Variants in DYM observed in about 807,000 individuals in gnomAD.
DYM encodes dymeclin, also known as dyggve-Melchior-Clausen syndrome protein.
A neutral mutation model predicts 93.1 loss-of-function variants in DYM; 78 were observed. The ratio of observed to expected loss-of-function variants is 0.84; its 90% confidence interval spans 0.70 to 1.01. DYM has a LOEUF of 1.01. Among genes scored for constraint, DYM ranks in the 50% least tolerant of loss-of-function variants. DYM has a pLI of 0.00. For missense variants in DYM, 789 were observed against 845.0 expected (o/e 0.93, Z 0.82); for synonymous variants, 321 against 319.7 (o/e 1.00, Z -0.04).
chr18:49,196,732 T>C (rs1329303115), intron 14 of DYM, among the ~76,000 whole-genome samples: 4 of 152,134 alleles, frequency 2.6e-5, no homozygotes, highest in South Asian at 4.1e-4. Flanking sequence ...CTAGAGAATG[T>C]AGCATCCTAA....
At chr18:49,075,014 T>G (rs563026156) in intron 17 of DYM, among the ~76,000 whole-genome samples, 1 of 152,032 alleles carries the variant, frequency 6.6e-6, no homozygotes, top group Non-Finnish European at 1.5e-5. Context: ...TGATAAGCAA[T>G]GGGGGAGACA....
chr18:49,125,650 G>A (rs2082743777), intron 15 of DYM, among the ~76,000 whole-genome samples: 2 of 152,116 alleles, frequency 1.3e-5, no homozygotes, highest in Non-Finnish European at 2.9e-5. Context: ...AGAAAGCTTA[G>A]AATTTGGTCA....
rs908260007 is a variant in DYM, at chr18:49,037,232, T to G, written c.*6823A>C. ...TTAAATAACCAACTTTTGACTTTGA[T>G]TCCCTTTATTGTATATTTGTGTTCT... On this transcript the variant is annotated 3_prime_UTR_variant, in exon 18 of 18. Transcript: ENST00000675505. Among the ~76,000 whole-genome samples, 1 of 152,242 alleles carries G rather than the reference T, an allele frequency of 6.6e-6. No individual in the cohort carries two copies. The highest frequency in any genetic ancestry group is 2.4e-5 in the African/African-American group (1 of 41,470).
intron 3 of DYM, 32 bp from the exon 4 acceptor site, chr18:49,379,790 A>T (rs756462204): frequency 3.3e-6 from 5 of 1,531,316 alleles, no homozygotes; most frequent in Non-Finnish European, 2.7e-6. Flanking sequence ...TAAAAAGTTA[A>T]ATTTAAGAAC....
intron 8 of DYM, among the ~76,000 whole-genome samples, chr18:49,305,164 C>T (rs1375928650): frequency 6.6e-6 from 1 of 152,138 alleles, no homozygotes; most frequent in African/African-American, 2.4e-5. Flanking sequence ...GTACTGAAAT[C>T]ACTTTCTTGC....
intron 13 of DYM, among the ~76,000 whole-genome samples, chr18:49,215,077 C>A (rs1268663777): frequency 6.6e-6 from 1 of 152,202 alleles, no homozygotes; most frequent in African/African-American, 2.4e-5. Flanking sequence ...TAAATTCTAA[C>A]AATTAGAAAA....
In DYM at chr18:49,040,877, C is replaced by T. The variant is rs1195696832; in HGVS notation, c.*3178G>A. Among the ~76,000 whole-genome samples, 1 of 152,232 alleles carries T rather than the reference C, an allele frequency of 6.6e-6. No homozygotes were observed. Among genetic ancestry groups the T allele is most frequent in the Non-Finnish European group, 1.5e-5 (1 of 68,048 alleles). ...CTTAAAGTATGATATATTAACAATT[C>T]CAGTGCTTAAAAGTTTCCCTCACTA... is the stretch of plus-strand genomic sequence containing the variant. On this transcript the variant is annotated 3_prime_UTR_variant, in exon 18 of 18. Coordinates refer to ENST00000675505, the MANE Select transcript of DYM (RefSeq NM_001353214.3).
rs2087482291 is a variant in DYM, at chr18:49,163,683, A to G, written c.1728+2T>C. 3.1e-6 allele frequency: 5 copies of G among 1,601,824 alleles called. No individual in the cohort carries two copies. The highest frequency in any genetic ancestry group is 4.3e-6 in the Non-Finnish European group (5 of 1,170,418). ...TTATTGATGAATAAGGTAACTACTT[A>G]CATAATCTGGTAGAGGAACATCATT... On this transcript the variant is annotated splice_donor_variant, in intron 15 of 17. Coordinates refer to ENST00000675505, the MANE Select transcript of DYM (RefSeq NM_001353214.3). LOFTEE classifies it high-confidence loss of function.
chr18:49,365,807 C>T (rs553371733), intron 5 of DYM, among the ~76,000 whole-genome samples: 28 of 152,274 alleles, frequency 1.8e-4, no homozygotes, highest in African/African-American at 6.3e-4. Flanking sequence ...GATTTTTTAA[C>T]TTCCAGGGGT....
intron 8 of DYM, among the ~76,000 whole-genome samples, chr18:49,317,551 T>TG (rs2062027168): frequency 3.4e-5 from 1 of 29,354 alleles, no homozygotes; most frequent in East Asian, 7.5e-4. Flanking sequence ...CCATCTAGAT[T>TG]TCTCTCTCTC....
chr18:49,099,398 T>G (rs550263590), intron 16 of DYM, among the ~76,000 whole-genome samples: 1 of 152,282 alleles, frequency 6.6e-6, no homozygotes, highest in East Asian at 1.9e-4. Context: ...GCTCTCCAGG[T>G]GATTTTGATG....
chr18:49,067,161 G>A (rs1293220739), intron 17 of DYM, among the ~76,000 whole-genome samples: 1 of 150,072 alleles, frequency 6.7e-6, no homozygotes, highest in East Asian at 2.0e-4. Context: ...GGAGTGGGGT[G>A]ATGTGAGCAC....
At chr18:49,444,063 C>T (rs951426098) in intron 1 of DYM, among the ~76,000 whole-genome samples, 2 of 152,078 alleles carry the variant, frequency 1.3e-5, no homozygotes, top group Non-Finnish European at 2.9e-5. Flanking sequence ...ATGTATGAAG[C>T]AGAAAAAGGC....
chr18:49,123,803 C>T (rs747027458), intron 15 of DYM, among the ~76,000 whole-genome samples: 73 of 152,160 alleles, frequency 4.8e-4, no homozygotes, highest in Admixed American at 9.8e-4. Context: ...ATTATATTTG[C>T]TTCTCATTTT....
intron 11 of DYM, among the ~76,000 whole-genome samples, chr18:49,261,693 T>TTATATATATATATATATATATATACATGA (rs2094493189): frequency 6.6e-6 from 1 of 152,192 alleles, no homozygotes; most frequent in Non-Finnish European, 1.5e-5. Context: ...TACAGTAACA[T>TTATATATATATATATATATATATACATGA]TATATAATAT....
intron 2 of DYM, among the ~76,000 whole-genome samples, chr18:49,429,165 T>C (rs2074579062): frequency 6.6e-6 from 1 of 152,256 alleles, no homozygotes; most frequent in Admixed American, 6.5e-5. Context: ...ACATCACATC[T>C]GACTTTCTCT....
At chr18:49,388,842 T>C (rs2068884995) in intron 3 of DYM, among the ~76,000 whole-genome samples, 1 of 149,496 alleles carries the variant, frequency 6.7e-6, no homozygotes, top group Non-Finnish European at 1.5e-5. Flanking sequence ...TAAATTAACG[T>C]CTATCTAAAA....
chr18:49,052,911 A>G (rs953459488), intron 17 of DYM, among the ~76,000 whole-genome samples: 1 of 152,180 alleles, frequency 6.6e-6, no homozygotes, highest in Non-Finnish European at 1.5e-5. Context: ...GGCACTGGTT[A>G]TCTCAAGCTC....
intron 16 of DYM, among the ~76,000 whole-genome samples, chr18:49,117,857 ATATAT>A (rs770191443): frequency 1.3e-5 from 2 of 152,192 alleles, no homozygotes; most frequent in South Asian, 2.1e-4. Context: ...TTGATGGAAC[ATATAT>A]TATAGTAGCT....
Sources: allele counts gnomAD v4.1 joint callset (sites outside exome capture counted in the v4.1 genomes callset), GRCh38; gene constraint gnomAD v4.1.1; transcripts MANE v1.5; gene names NCBI Gene and HGNC (gene_info 2026-07-23, HGNC 2026-07-21).